The following PCDH7 variants were observed in gnomAD, a reference collection of about 807,000 sequenced individuals.
PCDH7 encodes protocadherin 7.
In PCDH7, 17 loss-of-function variants were observed where a neutral mutation model predicts 58.9. The observed-to-expected ratio is 0.29, with a 90% CI of 0.20 to 0.43. The LOEUF is 0.43. Among genes scored for constraint, PCDH7 ranks in the 20% least tolerant of loss-of-function variants. PCDH7 has a pLI of 1.00. For synonymous variants in PCDH7, 664 were observed against 616.4 expected, an observed-to-expected ratio of 1.08 and a Z score of -1.14; for missense variants, 1,274 against 1,441.0, an observed-to-expected ratio of 0.88 and a Z score of 1.88.
At position 30,722,003 on chromosome 4, in the gene PCDH7, A is replaced by T. The variant is rs190478911; in HGVS notation, c.581A>T (p.Glu194Val). ...CCCGGAGGCGGCGGCAGCGGCGGCG[A>T]GAGCCGGCGCGCCGGGGCGGCCGAC... is the stretch of plus-strand genomic sequence containing the variant. The change falls in exon 1 of 2, where the codon GAG (glutamate) becomes GTG (valine). Residue 194 changes from glutamate (E) to valine (V), a missense_variant. Glu to Val is a moderately radical substitution (Grantham distance 121). Transcript: ENST00000361762. The surrounding 1 kb of genome is among the most constrained non-coding windows in gnomAD (Gnocchi z 7.6). 7.8e-7 allele frequency: 1 copy of T among 1,275,538 alleles called. No individual in the cohort carries two copies. The highest frequency in any genetic ancestry group is 3.1e-5 in the East Asian group (1 of 31,942). The allele number at this position is 1,275,538 out of a possible 1,614,324, so 79.0% of individuals were successfully genotyped here.
intron 1 of PCDH7, among the ~76,000 whole-genome samples, chr4:30,808,623 A>G (rs1221483458): frequency 2.0e-5 from 3 of 152,132 alleles, no homozygotes; most frequent in Non-Finnish European, 4.4e-5. Flanking sequence ...GGAAAAATAC[A>G]TATAACTGGG....
chr4:30,796,360 T>C (rs1000461428), intron 1 of PCDH7, among the ~76,000 whole-genome samples: 1 of 152,238 alleles, frequency 6.6e-6, no homozygotes, highest in African/African-American at 2.4e-5. Context: ...CCCTGATGAC[T>C]GTTATTAGCA....
At chr4:31,001,510 A>T (rs2109138071) in intron 3 of PCDH7, among the ~76,000 whole-genome samples, 1 of 152,258 alleles carries the variant, frequency 6.6e-6, no homozygotes, top group East Asian at 1.9e-4. Flanking sequence ...TTCTATATAC[A>T]GCTACACATC....
chr4:30,820,288 G>A (rs1560403227), intron 1 of PCDH7, among the ~76,000 whole-genome samples: 2 of 152,074 alleles, frequency 1.3e-5, no homozygotes, highest in Non-Finnish European at 2.9e-5. Context: ...GTTTATCTTA[G>A]TTTTCTTAAT....
chr4:30,816,067 T>C (rs1248930822), intron 1 of PCDH7, among the ~76,000 whole-genome samples: 1 of 152,196 alleles, frequency 6.6e-6, no homozygotes. Context: ...AGACTGCTGA[T>C]TAATTATTAA....
chr4:31,129,283 A>T (rs1362110208), intron 3 of PCDH7, among the ~76,000 whole-genome samples: 1 of 152,218 alleles, frequency 6.6e-6, no homozygotes, highest in Non-Finnish European at 1.5e-5. Context: ...GGCAATGAGG[A>T]ATCAAAATTC....
At chr4:30,889,323 C>T (rs1738293359) in intron 1 of PCDH7, among the ~76,000 whole-genome samples, 2 of 150,870 alleles carry the variant, frequency 1.3e-5, no homozygotes, top group African/African-American at 4.9e-5. Context: ...TATTCTCCTA[C>T]TGGTTTTGTT....
intron 1 of PCDH7, among the ~76,000 whole-genome samples, chr4:30,855,749 T>G (rs1443566804): frequency 6.6e-6 from 1 of 152,144 alleles, no homozygotes; most frequent in Non-Finnish European, 1.5e-5. Context: ...GTTCTTTTTC[T>G]TGTTGCAAAG....
chr4:30,894,640 T>A, intron 1 of PCDH7, among the ~76,000 whole-genome samples: 1 of 145,726 alleles, frequency 6.9e-6, no homozygotes. Context: ...AAATTCATAG[T>A]TTAATCCAGG....
chr4:30,860,478 G>T (rs759713690), intron 1 of PCDH7, among the ~76,000 whole-genome samples: 9 of 151,862 alleles, frequency 5.9e-5, no homozygotes, highest in Non-Finnish European at 1.3e-4. Context: ...AAAGCTTTAG[G>T]ATTTCTTAAT....
downstream of PCDH7, among the ~76,000 whole-genome samples, chr4:30,737,722 A>T (rs1420230925): frequency 6.6e-6 from 1 of 152,184 alleles, no homozygotes; most frequent in Non-Finnish European, 1.5e-5. Flanking sequence ...AGTGCTGTTG[A>T]CATGTCCCTG....
At chr4:30,898,452 G>C (rs1248031434) in intron 1 of PCDH7, among the ~76,000 whole-genome samples, 2 of 152,176 alleles carry the variant, frequency 1.3e-5, no homozygotes, top group Non-Finnish European at 2.9e-5. Flanking sequence ...GGTGAAAGCA[G>C]CTCCATCCGA....
At chr4:31,144,268 C>A (rs1001234264), downstream of PCDH7, 3 of 152,136 alleles carry the variant, frequency 2.0e-5, no homozygotes, top group Admixed American at 6.6e-5. Context: ...TTAAACAAAT[C>A]TAGACTGAAC....
At chr4:31,023,735 A>G (rs1163003159) in intron 3 of PCDH7, among the ~76,000 whole-genome samples, 14 of 152,126 alleles carry the variant, frequency 9.2e-5, no homozygotes, top group Admixed American at 8.5e-4. Flanking sequence ...TTTTAGAATT[A>G]CAGAAGAATG....
At chr4:30,962,370 T>C (rs1462490460) in intron 3 of PCDH7, among the ~76,000 whole-genome samples, 1 of 152,204 alleles carries the variant, frequency 6.6e-6, no homozygotes, top group Non-Finnish European at 1.5e-5. Context: ...GGACCGCCTA[T>C]GTAATACTTT....
At chr4:30,735,324 A>C (rs1219089576), downstream of PCDH7, among the ~76,000 whole-genome samples, 1 of 152,098 alleles carries the variant, frequency 6.6e-6, no homozygotes, top group Admixed American at 6.5e-5. Context: ...ATCTTTGTTC[A>C]GTCAAATGTC....
chr4:31,030,034 C>A (rs542728404), intron 3 of PCDH7, among the ~76,000 whole-genome samples: 1 of 152,184 alleles, frequency 6.6e-6, no homozygotes, highest in Non-Finnish European at 1.5e-5. Context: ...TCAAAAGACC[C>A]AATGCAGGGC....
At chr4:30,802,166 C>T (rs931718804) in intron 1 of PCDH7, among the ~76,000 whole-genome samples, 3 of 152,230 alleles carry the variant, frequency 2.0e-5, no homozygotes, top group Middle Eastern at 3.4e-3. Context: ...CTCAAATTCA[C>T]GCAGGTTAGT....
intron 3 of PCDH7, among the ~76,000 whole-genome samples, chr4:30,951,528 T>C (rs1747368619): frequency 6.6e-6 from 1 of 152,156 alleles, no homozygotes; most frequent in Non-Finnish European, 1.5e-5. Flanking sequence ...CAATCTTTCA[T>C]GTCCACAGGT....
Sources: allele counts gnomAD v4.1 joint callset (sites outside exome capture counted in the v4.1 genomes callset), GRCh38; gene constraint gnomAD v4.1.1; non-coding constraint Gnocchi (gnomAD v3.1); transcripts MANE v1.5; gene names NCBI Gene and HGNC (gene_info 2026-07-23, HGNC 2026-07-21).